ZSCAN25: variants seen among roughly 807,000 people sequenced by gnomAD.
ZSCAN25 encodes the protein zinc finger and SCAN domain containing 25.
In ZSCAN25, 27 loss-of-function variants were observed where a neutral mutation model predicts 38.7. The ratio of observed to expected loss-of-function variants is 0.70; its 90% CI spans 0.51 to 0.96. The LOEUF is 0.96. ZSCAN25 is among the 40% of genes least tolerant of loss of function. The pLI is 0.00. For synonymous variants in ZSCAN25, 273 were observed against 277.7 expected, an observed-to-expected ratio of 0.98 and a Z score of 0.17; for missense variants, 637 against 705.9, an observed-to-expected ratio of 0.90 and a Z score of 1.11.
At chr7:99,661,517 C>T in the ZSCAN25 span, among the ~76,000 whole-genome samples, 1 of 152,192 alleles carries the variant, frequency 6.6e-6, no homozygotes, top group Non-Finnish European at 1.5e-5. Flanking sequence ...CTTATGATTA[C>T]AGGTTGGCCT....
chr7:99,621,679 G>A (rs967529392), intron 5 of ZSCAN25, 105 bp downstream of exon 5: 63 of 978,460 alleles, frequency 6.4e-5, no homozygotes, highest in Non-Finnish European at 8.1e-5. Flanking sequence ...TACCCACGAG[G>A]TGTAATTGTG....
At chr7:99,653,450 C>CAAATAAATAAATAAATAAATAAAT in the ZSCAN25 span, among the ~76,000 whole-genome samples, 2 of 145,400 alleles carry the variant, frequency 1.4e-5, no homozygotes, top group East Asian at 2.0e-4. The surrounding 1 kb of genome is among the most constrained non-coding windows in gnomAD (Gnocchi z 4.2). Context: ...GACCCTGTCT[C>CAAATAAATAAATAAATAAATAAAT]AAATAAATAA....
the ZSCAN25 span, among the ~76,000 whole-genome samples, chr7:99,712,906 TAC>T: frequency 1.3e-5 from 2 of 152,200 alleles, no homozygotes; most frequent in South Asian, 4.1e-4. Context: ...AAAGGATATT[TAC>T]ACAGTCTCAG....
the ZSCAN25 span, among the ~76,000 whole-genome samples, chr7:99,678,397 A>T: frequency 6.6e-6 from 1 of 152,240 alleles, no homozygotes; most frequent in Non-Finnish European, 1.5e-5. Context: ...ACTGGCTCAC[A>T]GTCTTGCTTA....
chr7:99,621,721 A>G (rs923505896), intron 5 of ZSCAN25, 147 bp downstream of exon 5: 1 of 561,474 alleles, frequency 1.8e-6, no homozygotes, highest in South Asian at 9.0e-5. Flanking sequence ...CACCTTAGGA[A>G]ATAGATGAAG....
the ZSCAN25 span, among the ~76,000 whole-genome samples, chr7:99,644,625 A>G: frequency 6.6e-6 from 1 of 152,150 alleles, no homozygotes; most frequent in African/African-American, 2.4e-5. Flanking sequence ...GAAGCTGCAT[A>G]TAATTCCTCC....
chr7:99,691,687 G>A, the ZSCAN25 span, among the ~76,000 whole-genome samples: 1 of 152,108 alleles, frequency 6.6e-6, no homozygotes, highest in Non-Finnish European at 1.5e-5. Flanking sequence ...TTGGTTTAAA[G>A]TCTATTTTAT....
the ZSCAN25 span, among the ~76,000 whole-genome samples, chr7:99,697,139 C>T: frequency 0.75 from 113,968 of 152,192 alleles, 46,290 homozygotes; most frequent in Non-Finnish European, 0.91. Context: ...CAGATATGCT[C>T]ACTTTTTTCA....
intron 5 of ZSCAN25, chr7:99,621,885 G>T (rs1046956458): frequency 7.8e-5 from 19 of 242,986 alleles, no homozygotes; most frequent in Non-Finnish European, 1.2e-4. Flanking sequence ...TCAGTAGGCA[G>T]ATAAACCATA....
the ZSCAN25 span, among the ~76,000 whole-genome samples, chr7:99,666,299 C>A: frequency 6.6e-6 from 1 of 152,210 alleles, no homozygotes. Context: ...ACACTCAAAA[C>A]TTTGATACAA....
chr7:99,665,577 G>T, the ZSCAN25 span, among the ~76,000 whole-genome samples: 1 of 152,202 alleles, frequency 6.6e-6, no homozygotes, highest in Non-Finnish European at 1.5e-5. Flanking sequence ...GTCATAGGAA[G>T]ACAGAGACCC....
the ZSCAN25 span, among the ~76,000 whole-genome samples, chr7:99,688,648 A>G: frequency 1.3e-5 from 2 of 152,194 alleles, no homozygotes; most frequent in African/African-American, 2.4e-5. Flanking sequence ...CCAGGAATTG[A>G]ACTCAGCTCT....
chr7:99,668,878 AGG>A, the ZSCAN25 span, among the ~76,000 whole-genome samples: 6 of 152,344 alleles, frequency 3.9e-5, no homozygotes, highest in African/African-American at 1.4e-4. Flanking sequence ...GTCAGGTATT[AGG>A]TGTGTTTGTG....
At chr7:99,670,676 T>C in the ZSCAN25 span, among the ~76,000 whole-genome samples, 1 of 152,224 alleles carries the variant, frequency 6.6e-6, no homozygotes, top group South Asian at 2.1e-4. Flanking sequence ...CAATGACAAA[T>C]ATCCCTTGCT....
At chr7:99,689,138 G>A in the ZSCAN25 span, among the ~76,000 whole-genome samples, 30 of 152,286 alleles carry the variant, frequency 2.0e-4, no homozygotes, top group Non-Finnish European at 5.9e-5. Context: ...ACATTCAGAA[G>A]CTAGCAGAAG....
chr7:99,718,519 T>G, the ZSCAN25 span, among the ~76,000 whole-genome samples: 2 of 152,116 alleles, frequency 1.3e-5, no homozygotes, highest in African/African-American at 4.8e-5. Flanking sequence ...TTCAGCAAAC[T>G]AGGGAGAGAA....
chr7:99,672,924 C>T, the ZSCAN25 span: 1 of 1,291,436 alleles, frequency 7.7e-7, no homozygotes, highest in Non-Finnish European at 9.8e-7. Context: ...TATTGAAAGA[C>T]AAAAGAGCTC....
At chr7:99,720,318 G>A in the ZSCAN25 span, 68 of 1,612,696 alleles carry the variant, frequency 4.2e-5, no homozygotes, top group African/African-American at 6.8e-4. Flanking sequence ...CTTACCCTCC[G>A]GTTTGTGAAG....
the ZSCAN25 span, among the ~76,000 whole-genome samples, chr7:99,714,321 A>C: frequency 1.3e-5 from 2 of 152,106 alleles, no homozygotes; most frequent in African/African-American, 2.4e-5. Context: ...ATGGCATACT[A>C]ATTCTTGTGC....
Sources: allele counts gnomAD v4.1 joint callset (sites outside exome capture counted in the v4.1 genomes callset), GRCh38; gene constraint gnomAD v4.1.1; non-coding constraint Gnocchi (gnomAD v3.1); transcripts MANE v1.5; gene names NCBI Gene and HGNC (gene_info 2026-07-23, HGNC 2026-07-21).